The following RNF144A variants were observed in gnomAD, a reference collection of about 807,000 sequenced individuals.
RNF144A encodes the protein E3 ubiquitin-protein ligase RNF144A.
Under a neutral mutation model 38.7 loss-of-function variants are expected in RNF144A, and 11 were observed. The observed-to-expected ratio is 0.28, with a 90% CI of 0.18 to 0.47. The LOEUF (loss-of-function observed/expected upper bound fraction) is 0.47, where lower values mean the gene tolerates loss of function less well. Ranked by LOEUF, RNF144A falls within the 20% of genes least tolerant of loss-of-function variation. The pLI is 0.99. For missense variants in RNF144A, 316 were observed against 377.2 expected (o/e 0.84, Z 1.34); for synonymous variants, 149 against 143.9 (o/e 1.04, Z -0.25).
chr2:7,060,083 G>C (rs756944643), intron 6 of RNF144A, among the ~76,000 whole-genome samples: 3 of 152,138 alleles, frequency 2.0e-5, no homozygotes, highest in Non-Finnish European at 4.4e-5. Context: ...GGAAGTTTCA[G>C]CCATCAGAAT....
intron 2 of RNF144A, among the ~76,000 whole-genome samples, chr2:6,975,799 C>G (rs904972461): frequency 1.4e-4 from 21 of 152,210 alleles, no homozygotes; most frequent in Admixed American, 1.2e-3. Context: ...GCACTCTAGC[C>G]TGGGTGACAG....
intron 3 of RNF144A, among the ~76,000 whole-genome samples, chr2:7,008,997 C>T (rs1670626100): frequency 6.6e-6 from 1 of 152,246 alleles, no homozygotes; most frequent in African/African-American, 2.4e-5. Context: ...TCCACATCTT[C>T]ACTGAGCATC....
intron 6 of RNF144A, chr2:7,068,194 T>A (rs1311776154): frequency 8.2e-7 from 1 of 1,220,902 alleles, no homozygotes; most frequent in East Asian, 5.7e-5. Context: ...CAAGTATCAG[T>A]GAGTAAGGTT....
At chr2:6,937,017 G>A (rs533826546) in intron 1 of RNF144A, among the ~76,000 whole-genome samples, 4 of 152,224 alleles carry the variant, frequency 2.6e-5, no homozygotes, top group African/African-American at 7.2e-5. Flanking sequence ...GGTTGAGTGC[G>A]TGAACATTTA....
intron 2 of RNF144A, among the ~76,000 whole-genome samples, chr2:6,993,882 A>G (rs1342811877): frequency 6.6e-6 from 1 of 152,080 alleles, no homozygotes; most frequent in Non-Finnish European, 1.5e-5. Context: ...AGCTCCTAGT[A>G]TCTATATATT....
intron 2 of RNF144A, 171 bp from the exon 3 acceptor site, chr2:6,996,745 T>C: frequency 1.7e-6 from 1 of 599,944 alleles, no homozygotes. Flanking sequence ...AGAGCGAGAC[T>C]CCATCTCAAA....
chr2:7,034,490 C>T (rs185621832), intron 8 of RNF144A, among the ~76,000 whole-genome samples: 47 of 152,298 alleles, frequency 3.1e-4, no homozygotes, highest in Admixed American at 1.4e-3. Flanking sequence ...CACCTCCTGC[C>T]TAGTTTTCAG....
chr2:6,993,480 G>A (rs549220563), intron 2 of RNF144A, among the ~76,000 whole-genome samples: 129 of 152,328 alleles, frequency 8.5e-4, no homozygotes, highest in African/African-American at 3.0e-3. Flanking sequence ...GCTGGAAGGA[G>A]AGAGAATTGT....
chr2:7,070,534 A>T (rs1674429077), downstream of RNF144A, among the ~76,000 whole-genome samples: 1 of 152,338 alleles, frequency 6.6e-6, no homozygotes, highest in African/African-American at 2.4e-5. Flanking sequence ...CCCCCCTCCC[A>T]GTACATGTGA....
chr2:7,023,018 T>TAC (rs1190393952), intron 6 of RNF144A, among the ~76,000 whole-genome samples: 1 of 152,210 alleles, frequency 6.6e-6, no homozygotes, highest in Non-Finnish European at 1.5e-5. Context: ...GTGCTTAACA[T>TAC]GTTAACATGT....
In RNF144A at chr2:6,988,272, A is replaced by G. The variant is rs182730876; in HGVS notation, c.-11-8644A>G. 2.8e-3 allele frequency among the ~76,000 whole-genome samples: 425 copies of G among 152,326 alleles called. 2 individuals carry two copies. The highest frequency in any genetic ancestry group is 4.8e-3 in the Non-Finnish European group (328 of 68,016). On this transcript the variant is annotated intron_variant, in intron 2 of 8. Coordinates refer to ENST00000320892, the MANE Select transcript of RNF144A (RefSeq NM_014746.6). ...CTTGCGTTAGTTTAGTCCATTTGTC[A>G]CAATATGAAGCCAGTACTGTTACAT...
rs745508286 is a variant in RNF144A, at chr2:6,962,845, G to C, written c.-12+21698G>C. ...AGTTAATGACTGGCCCAGCCTTGCT[G>C]GTCTCCATGGTTTATGCCATCATGA... On this transcript the variant is annotated intron_variant, in intron 2 of 8. Coordinates refer to ENST00000320892, the MANE Select transcript of RNF144A (RefSeq NM_014746.6). This position sits in a 1 kb window ranked among gnomAD's most constrained non-coding sequence, Gnocchi z 4.1. 3.3e-5 allele frequency among the ~76,000 whole-genome samples: 5 copies of C among 152,184 alleles called. No individual in the cohort carries two copies. Among genetic ancestry groups the C allele is most frequent in the Non-Finnish European group, 7.3e-5 (5 of 68,046 alleles).
Position 7,028,954 on chromosome 2 carries a change from C to T in RNF144A, c.658-1172C>T, listed in dbSNP as rs576741857. Among the ~76,000 whole-genome samples the T allele has an allele frequency of 5.3e-5, 8 of 152,318 alleles. No homozygotes were observed. The East Asian group carries it at 1.5e-3, about 29-fold the overall frequency. ...CCTCCATTCACTGTGCATTCAGACA[C>T]CAGGAGGCTTGACCCCAAAAATCAG... On this transcript the variant is annotated intron_variant, in intron 7 of 8. Transcript: ENST00000320892.
chr2:6,931,824 GT>G (rs1430869666), intron 1 of RNF144A, among the ~76,000 whole-genome samples: 1 of 151,898 alleles, frequency 6.6e-6, no homozygotes, highest in Non-Finnish European at 1.5e-5. Flanking sequence ...TTTCTTGTTT[GT>G]TTTTACATTT....
chr2:7,008,243 T>G (rs563945918), intron 3 of RNF144A, among the ~76,000 whole-genome samples: 2 of 152,362 alleles, frequency 1.3e-5, no homozygotes, highest in East Asian at 3.9e-4. Flanking sequence ...GCCTTCCTCC[T>G]TTTTGGCAGC....
At chr2:6,968,109 C>T (rs1250076716) in intron 2 of RNF144A, among the ~76,000 whole-genome samples, 1 of 152,190 alleles carries the variant, frequency 6.6e-6, no homozygotes, top group African/African-American at 2.4e-5. Flanking sequence ...GTCTCTTCTG[C>T]TCATTAGTCC....
At chr2:7,027,372 C>T (rs1335284750) in intron 7 of RNF144A, among the ~76,000 whole-genome samples, 4 of 152,180 alleles carry the variant, frequency 2.6e-5, no homozygotes, top group Non-Finnish European at 4.4e-5. Context: ...TAATGTTTAT[C>T]GAGGTAATTG....
downstream of RNF144A, among the ~76,000 whole-genome samples, chr2:7,069,965 G>A (rs1004269368): frequency 6.6e-6 from 1 of 152,238 alleles, no homozygotes; most frequent in Non-Finnish European, 1.5e-5. Flanking sequence ...TGCGTGCATG[G>A]AAGTGCTAAC....
intron 2 of RNF144A, among the ~76,000 whole-genome samples, chr2:6,955,088 T>C (rs1302766239): frequency 1.3e-5 from 2 of 152,168 alleles, no homozygotes; most frequent in African/African-American, 4.8e-5. Flanking sequence ...AACAATGACA[T>C]GGCTTGTTAG....
Sources: gnomAD v4.1 joint callset for allele counts (sites outside exome capture counted in the v4.1 genomes callset) on GRCh38, gnomAD v4.1.1 for gene constraint, Gnocchi (gnomAD v3.1) non-coding constraint, MANE v1.5 for transcripts, NCBI Gene and HGNC (gene_info 2026-07-23, HGNC 2026-07-21) for gene names.